MCF2L2: variants seen among roughly 807,000 people sequenced by gnomAD.
MCF2L2 encodes the protein probable guanine nucleotide exchange factor MCF2L2.
MCF2L2 carries 102 observed loss-of-function variants against 150.2 expected under a neutral mutation model. The observed-to-expected ratio is 0.68, with a 90% confidence interval of 0.58 to 0.80. The LOEUF is 0.80. MCF2L2 is among the 30% of genes least tolerant of loss of function. MCF2L2 has a pLI of 0.00. For missense variants in MCF2L2, 1,256 were observed against 1,372.8 expected, an observed-to-expected ratio of 0.91 and a Z score of 1.34; for synonymous variants, 465 against 491.3, an observed-to-expected ratio of 0.95 and a Z score of 0.71.
intron 27 of MCF2L2, among the ~76,000 whole-genome samples, chr3:183,185,684 T>C (rs1184482618): frequency 6.6e-6 from 1 of 152,130 alleles, no homozygotes; most frequent in Non-Finnish European, 1.5e-5. Context: ...TCTCCAGAGC[T>C]CCCAACAGGA....
intron 3 of MCF2L2, among the ~76,000 whole-genome samples, chr3:183,356,075 G>C (rs966734128): frequency 5.3e-5 from 8 of 151,548 alleles, no homozygotes; most frequent in African/African-American, 1.5e-4. Context: ...CTAAGGAGGA[G>C]GAAGAGCAGT....
Position 183,179,358 on chromosome 3 carries a change from A to T in MCF2L2, c.*22T>A, listed in dbSNP as rs1250647093. 1.4e-6 allele frequency: 2 copies of T among 1,428,880 alleles called. No homozygotes were observed. Among genetic ancestry groups the T allele is most frequent in the Admixed American group, 5.9e-5 (2 of 33,988 alleles). 88.5% of individuals were successfully genotyped at this position (1,428,880 alleles called of 1,614,324 possible). On this transcript the variant is annotated 3_prime_UTR_variant, in exon 30 of 30. Transcript: ENST00000328913. This position sits in a 1 kb window ranked among gnomAD's most constrained non-coding sequence, Gnocchi z 4.2. Reference sequence around the variant, plus strand: ...GAATGCGGGCGCTCTGGAGCCGAGGAGCGGGGGCGTCCGCAGGGAGGTCAG... The same window carrying T: ...GAATGCGGGCGCTCTGGAGCCGAGGTGCGGGGGCGTCCGCAGGGAGGTCAG...
intron 7 of MCF2L2, among the ~76,000 whole-genome samples, chr3:183,311,980 C>T (rs1210613469): frequency 3.9e-5 from 6 of 152,094 alleles, no homozygotes; most frequent in South Asian, 2.1e-4. Flanking sequence ...AAAGGGTATA[C>T]ATCAAAAAAA....
chr3:183,190,400 G>C (rs544462893), intron 27 of MCF2L2, among the ~76,000 whole-genome samples: 1 of 152,138 alleles, frequency 6.6e-6, no homozygotes, highest in Non-Finnish European at 1.5e-5. Context: ...TGCTACTAAC[G>C]GTCTTCAGTC....
At chr3:183,319,703 G>A (rs1360577937) in intron 6 of MCF2L2, among the ~76,000 whole-genome samples, 2 of 152,220 alleles carry the variant, frequency 1.3e-5, no homozygotes, top group Non-Finnish European at 2.9e-5. Flanking sequence ...AGGTGACCAG[G>A]TGAATCTCCA....
chr3:183,271,613 T>C (rs1726788545), intron 15 of MCF2L2: 3 of 167,072 alleles, frequency 1.8e-5, no homozygotes, highest in Admixed American at 6.5e-5. Flanking sequence ...CCTAATACTT[T>C]ATATGTTTTT....
chr3:183,195,038 C>A (rs1320138955), intron 26 of MCF2L2, among the ~76,000 whole-genome samples, 184 bp downstream of exon 26: 3 of 152,146 alleles, frequency 2.0e-5, no homozygotes, highest in Non-Finnish European at 2.9e-5. Flanking sequence ...CTGCCTTGGC[C>A]TCCCAAAGTG....
chr3:183,291,218 C>A (rs1728123738), intron 13 of MCF2L2, among the ~76,000 whole-genome samples: 1 of 152,188 alleles, frequency 6.6e-6, no homozygotes, highest in Non-Finnish European at 1.5e-5. Context: ...TGAGAAGCGC[C>A]TGTCCTTGAC....
intron 27 of MCF2L2, among the ~76,000 whole-genome samples, chr3:183,190,453 C>T (rs978538333): frequency 2.0e-5 from 3 of 152,214 alleles, no homozygotes; most frequent in Non-Finnish European, 4.4e-5. Context: ...TATTGAAAAA[C>T]GGCTTTCAGA....
chr3:183,404,358 C>T (rs1509009), intron 1 of MCF2L2, among the ~76,000 whole-genome samples: 56,898 of 152,000 alleles, frequency 0.37, 10,925 homozygotes, highest in African/African-American at 0.44. Context: ...ATTCCCTTAA[C>T]ATGCATTGTT....
At chr3:183,222,487 T>C (rs552028155) in intron 20 of MCF2L2, among the ~76,000 whole-genome samples, 13 of 151,994 alleles carry the variant, frequency 8.6e-5, no homozygotes, top group Admixed American at 6.5e-4. Context: ...GAGGCAGAGG[T>C]TGCAGTGAAC....
chr3:183,193,609 A>C (rs747831472), intron 26 of MCF2L2, among the ~76,000 whole-genome samples: 3 of 152,166 alleles, frequency 2.0e-5, no homozygotes, highest in Non-Finnish European at 4.4e-5. Context: ...TTGGCCTCCC[A>C]AAGTGCTGGG....
rs879544498 is a variant in MCF2L2, at chr3:183,283,527, CT to C, written c.1776+5592del. On this transcript the variant is annotated intron_variant, in intron 14 of 29. Coordinates refer to ENST00000328913, the MANE Select transcript of MCF2L2 (RefSeq NM_015078.4). This position sits in a 1 kb window ranked among gnomAD's most constrained non-coding sequence, Gnocchi z 4.2. ...CCCACCTTTCAGAGTTCTATTTATT[CT>C]TTTTTTTTTTTTAGATGGAGTCTCA... 4.2e-3 allele frequency among the ~76,000 whole-genome samples: 599 copies of C among 144,034 alleles called. 1 individual carries two copies. The highest frequency in any genetic ancestry group is 3.6e-3 in the Admixed American group (52 of 14,302). The allele number at this position is 144,034 out of a possible 152,430, so 94.5% of individuals were successfully genotyped here.
chr3:183,380,348 T>A (rs539078060), intron 2 of MCF2L2, among the ~76,000 whole-genome samples: 1 of 152,304 alleles, frequency 6.6e-6, no homozygotes, highest in East Asian at 1.9e-4. Flanking sequence ...TTGACATCTG[T>A]CAGACACCAT....
chr3:183,222,445 G>C (rs1056766203), intron 20 of MCF2L2, among the ~76,000 whole-genome samples: 7 of 152,100 alleles, frequency 4.6e-5, no homozygotes, highest in African/African-American at 1.7e-4. Flanking sequence ...AGCTACTTGG[G>C]AGGCTGAGGC....
chr3:183,404,017 G>C (rs924873767), intron 1 of MCF2L2, among the ~76,000 whole-genome samples: 1 of 152,098 alleles, frequency 6.6e-6, no homozygotes, highest in Admixed American at 6.6e-5. Flanking sequence ...CTATAGATTT[G>C]ACTACATACA....
chr3:183,216,402 CTA>C (rs538648354), intron 21 of MCF2L2, among the ~76,000 whole-genome samples: 52 of 139,274 alleles, frequency 3.7e-4, no homozygotes, highest in African/African-American at 1.3e-3. Flanking sequence ...TAGCTGAATT[CTA>C]TATGTTTCTT....
chr3:183,361,138 A>G (rs749369239), intron 3 of MCF2L2, among the ~76,000 whole-genome samples: 1 of 151,740 alleles, frequency 6.6e-6, no homozygotes, highest in Non-Finnish European at 1.5e-5. Context: ...GAAAAAGGAA[A>G]AGAGACAGGA....
chr3:183,293,321 G>A (rs770782269), intron 13 of MCF2L2, among the ~76,000 whole-genome samples: 43 of 152,340 alleles, frequency 2.8e-4, no homozygotes, highest in Admixed American at 2.5e-3. Flanking sequence ...CCATGAATAT[G>A]TATGTGCTTA....
Sources: allele counts gnomAD v4.1 joint callset (sites outside exome capture counted in the v4.1 genomes callset), GRCh38; gene constraint gnomAD v4.1.1; non-coding constraint Gnocchi (gnomAD v3.1); transcripts MANE v1.5; gene names NCBI Gene and HGNC (gene_info 2026-07-23, HGNC 2026-07-21).